The following RELL1 variants were observed in gnomAD, a reference collection of about 807,000 sequenced individuals.
RELL1 encodes the protein RELT-like protein 1.
In RELL1, 10 loss-of-function variants were observed where a neutral mutation model predicts 23.0. That is an observed-to-expected ratio of 0.43 (90% confidence interval 0.27 to 0.74). The LOEUF (loss-of-function observed/expected upper bound fraction) is 0.74, where lower values mean the gene tolerates loss of function less well. RELL1 is among the 30% of genes least tolerant of loss of function. RELL1 has a pLI of 0.19. For synonymous variants in RELL1, 146 were observed against 146.8 expected (o/e 0.99, Z 0.04); for missense variants, 315 against 364.4 (o/e 0.86, Z 1.10).
chr4:37,609,045 T>G (rs1719302487), downstream of RELL1, among the ~76,000 whole-genome samples: 1 of 152,198 alleles, frequency 6.6e-6, no homozygotes, highest in Admixed American at 6.5e-5. Context: ...GGTAAGATCA[T>G]GGATGAAGGT....
chr4:37,623,704 G>C (rs187392996), intron 6 of RELL1, among the ~76,000 whole-genome samples: 15 of 152,144 alleles, frequency 9.9e-5, no homozygotes, highest in Admixed American at 9.8e-4. Context: ...TCCCACACAG[G>C]AGTACGGCAG....
downstream of RELL1, chr4:37,590,786 A>C (rs142404333): frequency 2.4e-5 from 39 of 1,613,956 alleles, no homozygotes; most frequent in Non-Finnish European, 3.1e-5. Context: ...TCATTGAATG[A>C]GGATGTGGAA....
intron 1 of RELL1, among the ~76,000 whole-genome samples, chr4:37,652,588 G>T (rs1372656166): frequency 1.3e-5 from 2 of 152,140 alleles, no homozygotes; most frequent in East Asian, 3.9e-4. Flanking sequence ...CAATCTGGGG[G>T]TGAAAATAAA....
chr4:37,656,947 T>C (rs1020282394), intron 1 of RELL1, among the ~76,000 whole-genome samples: 3 of 152,202 alleles, frequency 2.0e-5, no homozygotes, highest in African/African-American at 7.2e-5. Flanking sequence ...TATTCTGTTA[T>C]AGCAACAGAA....
intron 1 of RELL1, 21 bp downstream of exon 1, chr4:37,686,179 C>G: frequency 6.4e-7 from 1 of 1,561,720 alleles, no homozygotes; most frequent in Non-Finnish European, 8.6e-7. Context: ...CCCGGCGCCC[C>G]GGCTACGACC....
intron 6 of RELL1, among the ~76,000 whole-genome samples, chr4:37,595,710 G>A (rs1718814425): frequency 6.6e-6 from 1 of 151,718 alleles, no homozygotes; most frequent in African/African-American, 2.4e-5. Context: ...GAATAATGAG[G>A]CTTGTGGTGG....
chr4:37,685,892 A>G (rs1722388709), intron 1 of RELL1, among the ~76,000 whole-genome samples: 2 of 152,164 alleles, frequency 1.3e-5, no homozygotes, highest in South Asian at 4.1e-4. Flanking sequence ...GCCGTGGAGG[A>G]AGCGCCCCCG....
At chr4:37,670,528 T>C (rs149661575) in intron 1 of RELL1, among the ~76,000 whole-genome samples, 4 of 151,910 alleles carry the variant, frequency 2.6e-5, no homozygotes, top group Admixed American at 6.6e-5. Flanking sequence ...TGTAAACACA[T>C]AAATAGTAAA....
intron 1 of RELL1, among the ~76,000 whole-genome samples, chr4:37,671,720 C>T (rs933746670): frequency 2.0e-5 from 3 of 151,906 alleles, no homozygotes; most frequent in African/African-American, 7.2e-5. Context: ...CCAGCAGCCC[C>T]GAGGGCTGCT....
chr4:37,625,414 G>C (rs1719903549), intron 6 of RELL1, among the ~76,000 whole-genome samples: 1 of 152,142 alleles, frequency 6.6e-6, no homozygotes, highest in African/African-American at 2.4e-5. Flanking sequence ...TCAACAGAGT[G>C]AAGAGATAAC....
At chr4:37,633,731 G>C (rs1023020511) in intron 5 of RELL1, among the ~76,000 whole-genome samples, 3 of 152,184 alleles carry the variant, frequency 2.0e-5, no homozygotes, top group African/African-American at 7.2e-5. Flanking sequence ...AGTACCCAAA[G>C]CTGGTTTAAG....
chr4:37,627,980 T>G (rs1720007089), intron 6 of RELL1, among the ~76,000 whole-genome samples: 1 of 152,226 alleles, frequency 6.6e-6, no homozygotes, highest in Admixed American at 6.5e-5. Context: ...TTTTCAGAAT[T>G]TTTCTAGTTG....
chr4:37,655,320 T>C (rs1240696908), intron 1 of RELL1, among the ~76,000 whole-genome samples: 1 of 152,220 alleles, frequency 6.6e-6, no homozygotes, highest in Non-Finnish European at 1.5e-5. Context: ...TAAATTTATA[T>C]GTTGAGCTCC....
intron 1 of RELL1, among the ~76,000 whole-genome samples, chr4:37,674,841 T>C (rs1171082720): frequency 2.0e-5 from 3 of 152,234 alleles, no homozygotes; most frequent in East Asian, 3.8e-4. Context: ...CTTGGCAGAT[T>C]ATTGGTATCG....
intron 6 of RELL1, among the ~76,000 whole-genome samples, chr4:37,605,357 G>A (rs1719162583): frequency 6.6e-6 from 1 of 152,270 alleles, no homozygotes; most frequent in East Asian, 1.9e-4. Flanking sequence ...TCCAATAAAA[G>A]GAACCAGGGC....
At chr4:37,630,358 T>G (rs1000689657) in intron 6 of RELL1, among the ~76,000 whole-genome samples, 1 of 93,222 alleles carries the variant, frequency 1.1e-5, no homozygotes, top group African/African-American at 3.4e-5. Flanking sequence ...TGTGTGTGGT[T>G]TTTTTTTTTT....
intron 1 of RELL1, among the ~76,000 whole-genome samples, chr4:37,670,048 A>G (rs1721775048): frequency 6.7e-6 from 1 of 149,602 alleles, no homozygotes; most frequent in African/African-American, 2.5e-5. Flanking sequence ...AAAATAAATA[A>G]ATAAATATAA....
At chr4:37,607,956 A>G (rs1306251906), downstream of RELL1, among the ~76,000 whole-genome samples, 1 of 152,156 alleles carries the variant, frequency 6.6e-6, no homozygotes, top group Non-Finnish European at 1.5e-5. Flanking sequence ...AATTCTTGAA[A>G]TATTTCAAAC....
chr4:37,617,874 C>T (rs886928270), intron 6 of RELL1, among the ~76,000 whole-genome samples: 6 of 152,142 alleles, frequency 3.9e-5, no homozygotes, highest in Non-Finnish European at 8.8e-5. Context: ...AACTAGAATT[C>T]GACTAATTTG....
Sources: allele counts gnomAD v4.1 joint callset (sites outside exome capture counted in the v4.1 genomes callset), GRCh38; gene constraint gnomAD v4.1.1; transcripts MANE v1.5; gene names NCBI Gene and HGNC (gene_info 2026-07-23, HGNC 2026-07-21).